The following HNRNPH3 variants were observed in gnomAD, a reference collection of about 807,000 sequenced individuals.
The protein encoded by HNRNPH3 is heterogeneous nuclear ribonucleoprotein 2H9.
A neutral mutation model predicts 47.0 loss-of-function variants in HNRNPH3; 7 were observed. The ratio of observed to expected loss-of-function variants is 0.15; its 90% CI spans 0.08 to 0.28. The LOEUF (loss-of-function observed/expected upper bound fraction) is 0.28. Ranked by LOEUF, HNRNPH3 falls within the 10% of genes least tolerant of loss-of-function variation. The pLI is 1.00. For missense variants in HNRNPH3, 279 were observed against 449.6 expected, an observed-to-expected ratio of 0.62 and a Z score of 3.43; for synonymous variants, 120 against 143.2, an observed-to-expected ratio of 0.84 and a Z score of 1.16.
At chr10:68,334,955 G>A (rs2045462362) in intron 1 of HNRNPH3, among the ~76,000 whole-genome samples, 1 of 152,130 alleles carries the variant, frequency 6.6e-6, no homozygotes. Context: ...TTTTAGTTTT[G>A]AAGGGGTTGG....
chr10:68,333,033 GA>G (rs1308232682), intron 1 of HNRNPH3: 1 of 152,118 alleles, frequency 6.6e-6, no homozygotes, highest in Non-Finnish European at 1.5e-5. Flanking sequence ...TAGATAAACG[GA>G]AAGTCTCCTG....
chr10:68,337,138 T>C lies in HNRNPH3; in HGVS notation c.-23-61T>C, dbSNP rs756425166. Reference sequence around the variant, plus strand: ...GGCACCTCTGAGAGGTGTTTCTTCATTACCTCTTGACAAGAGTATATTTTG... The same window carrying C: ...GGCACCTCTGAGAGGTGTTTCTTCACTACCTCTTGACAAGAGTATATTTTG... On this transcript the variant is annotated intron_variant, in intron 1 of 9. Coordinates refer to ENST00000265866, the MANE Select transcript of HNRNPH3 (RefSeq NM_012207.3). This position sits in a 1 kb window ranked among gnomAD's most constrained non-coding sequence, Gnocchi z 4.5. 12 of 777,458 alleles carry C rather than the reference T, an allele frequency of 1.5e-5. No individual in the cohort carries two copies. The highest frequency in any genetic ancestry group is 2.6e-5 in the Non-Finnish European group (12 of 463,234). 48.2% of individuals were successfully genotyped at this position (777,458 alleles called of 1,614,324 possible). A position where few individuals can be genotyped will look rare whatever the true frequency, so the allele number is the denominator to read the frequency against.
At chr10:68,341,733 A>T (rs200462607) in intron 8 of HNRNPH3, 26 bp from the exon 9 acceptor site, 52 of 1,584,738 alleles carry the variant, frequency 3.3e-5, no homozygotes, top group Non-Finnish European at 4.2e-5. Flanking sequence ...ATGAGTCTCA[A>T]TTTTTTTTCT....
intron 1 of HNRNPH3, chr10:68,333,189 T>G (rs963281357): frequency 2.8e-5 from 4 of 142,210 alleles, no homozygotes; most frequent in Admixed American, 7.6e-5. Context: ...AGCAGAAAAG[T>G]GGGTGATTTA....
At chr10:68,339,769 C>T (rs958850485) in intron 6 of HNRNPH3, among the ~76,000 whole-genome samples, 1 of 151,188 alleles carries the variant, frequency 6.6e-6, no homozygotes, top group African/African-American at 2.4e-5. Flanking sequence ...AGCTCTGCCT[C>T]CCAGGTTCAC....
At chr10:68,338,793 T>C (rs1448530966) in intron 4 of HNRNPH3, 106 bp downstream of exon 4, 1 of 881,684 alleles carries the variant, frequency 1.1e-6, no homozygotes, top group African/African-American at 1.7e-5. Flanking sequence ...TATTAGGTTT[T>C]AAAACCTGTT....
chr10:68,339,595 T>C (rs1480635914), intron 6 of HNRNPH3, 40 bp downstream of exon 6: 15 of 1,224,030 alleles, frequency 1.2e-5, no homozygotes, highest in East Asian at 1.2e-4. Context: ...TTTATACTTA[T>C]CCTGGTGTCT....
At position 68,339,181 on chromosome 10, in the gene HNRNPH3, G is replaced by A. The variant is rs781055388; in HGVS notation, c.478G>A (p.Gly160Ser). 8.1e-6 allele frequency: 13 copies of A among 1,609,902 alleles called. No individual in the cohort carries two copies. Among genetic ancestry groups the A allele is most frequent in the East Asian group, 4.5e-5 (2 of 44,812 alleles). Reference sequence around the variant, plus strand: ...TGACTATGGTGGCTATAATAATTACGGCTATGGGAATGATGGCTTTGATGA... The same window carrying A: ...TGACTATGGTGGCTATAATAATTACAGCTATGGGAATGATGGCTTTGATGA... Reference protein sequence around the residue: ...FDDYGGYNNYGYGNDGFDDRM... With the variant: ...FDDYGGYNNYSYGNDGFDDRM... Residue 160 changes from glycine (G) to serine (S), a missense_variant, in exon 5 of 10, where the codon GGC (glycine) becomes AGC (serine). By Grantham distance (56) the Gly-to-Ser change is moderately conservative. Coordinates refer to ENST00000265866, the MANE Select transcript of HNRNPH3 (RefSeq NM_012207.3).
chr10:68,339,604 C>A, intron 6 of HNRNPH3, 49 bp downstream of exon 6: 1 of 1,161,024 alleles, frequency 8.6e-7, no homozygotes, highest in Non-Finnish European at 1.3e-6. Flanking sequence ...ATCCTGGTGT[C>A]TAAATCTTTA....
intron 1 of HNRNPH3, among the ~76,000 whole-genome samples, chr10:68,335,975 T>C (rs886067844): frequency 6.6e-6 from 1 of 152,160 alleles, no homozygotes; most frequent in Non-Finnish European, 1.5e-5. Context: ...ACACTAGAGG[T>C]ACTTAACTAC....
In HNRNPH3 at chr10:68,341,251, A is replaced by G; in HGVS notation, c.717A>G (p.Val239=). The G allele has an allele frequency of 6.2e-7, 1 of 1,606,762 alleles. No homozygotes were observed. The highest frequency in any genetic ancestry group is 8.5e-7 in the Non-Finnish European group (1 of 1,177,888). Residue 239 remains valine, a synonymous_variant, in exon 7 of 10, where the codon GTA becomes GTG. Coordinates refer to ENST00000265866, the MANE Select transcript of HNRNPH3 (RefSeq NM_012207.3). ...ADGRATGEAD[V]EFVTHEDAVA... is the part of the protein sequence containing the mutation. ...GCAGAGCCACAGGAGAAGCAGATGT[A>G]GAGTTTGTGACACATGAAGATGCAG...
At position 68,341,566 on chromosome 10, in the gene HNRNPH3, C is replaced by CT. The variant is rs749191002; in HGVS notation, c.776-16dup. 1.3e-6 allele frequency: 2 copies of CT among 1,525,140 alleles called. No individual in the cohort carries two copies. The highest frequency in any genetic ancestry group is 1.4e-5 in the African/African-American group (1 of 71,730). 94.5% of individuals were successfully genotyped at this position (1,525,140 alleles called of 1,614,324 possible). A position where few individuals can be genotyped will look rare whatever the true frequency, so the allele number is the denominator to read the frequency against. On this transcript the variant is annotated intron_variant, in intron 7 of 9. Transcript: ENST00000265866. ...CATCATTCCTTTCTCCCCTGTTACT[C>CT]TTTCTTTTTTTCTTAAAGAACATCG...
chr10:68,341,507 CT>C, intron 7 of HNRNPH3, 77 bp from the exon 8 acceptor site: 1 of 1,115,572 alleles, frequency 9.0e-7, no homozygotes, highest in Non-Finnish European at 1.3e-6. Context: ...CTTAATTGAT[CT>C]TTTTTACAAA....
chr10:68,337,730 AT>A lies in HNRNPH3; in HGVS notation c.113-127del. 1 of 793,960 alleles carries A rather than the reference AT, an allele frequency of 1.3e-6. No homozygotes were observed. The highest frequency in any genetic ancestry group is 2.0e-6 in the Non-Finnish European group (1 of 509,294). 49.2% of individuals were successfully genotyped at this position (793,960 alleles called of 1,614,324 possible). A position where few individuals can be genotyped will look rare whatever the true frequency, so the allele number is the denominator to read the frequency against. ...AATCTTTCATTTGTATTATGGGGTG[AT>A]GGGAAACTAAGCTTTTTTGTTTTGT... is the stretch of plus-strand genomic sequence containing the variant. On this transcript the variant is annotated intron_variant, in intron 2 of 9. Transcript: ENST00000265866. This position sits in a 1 kb window ranked among gnomAD's most constrained non-coding sequence, Gnocchi z 4.5.
At chr10:68,339,617 C>T (rs2045741978) in intron 6 of HNRNPH3, 62 bp downstream of exon 6, 2 of 1,013,244 alleles carry the variant, frequency 2.0e-6, no homozygotes, top group South Asian at 1.4e-5. Context: ...AATCTTTAAG[C>T]ATTCTTAATG....
At chr10:68,334,107 GTTC>G (rs1490912734) in intron 1 of HNRNPH3, among the ~76,000 whole-genome samples, 4 of 152,236 alleles carry the variant, frequency 2.6e-5, no homozygotes, top group African/African-American at 7.2e-5. Flanking sequence ...TAAAAACCTG[GTTC>G]TAGTGAACTA....
intron 4 of HNRNPH3, 76 bp from the exon 5 acceptor site, chr10:68,339,056 TACCACAAA>T: frequency 9.0e-7 from 1 of 1,105,912 alleles, no homozygotes. Context: ...CACAGACTGT[TACCACAAA>T]ATGTTTTTGT....
intron 5 of HNRNPH3, 100 bp from the exon 6 acceptor site, chr10:68,339,340 T>C: frequency 6.5e-7 from 1 of 1,530,688 alleles, no homozygotes; most frequent in Non-Finnish European, 9.0e-7. Context: ...CAAATTTCAG[T>C]GCATTCCTAT....
At chr10:68,333,455 GTT>G (rs5785858) in intron 1 of HNRNPH3, among the ~76,000 whole-genome samples, 1 of 151,964 alleles carries the variant, frequency 6.6e-6, no homozygotes, top group Admixed American at 6.6e-5. Context: ...ATTTTGTGCA[GTT>G]TTTTTTTCCG....
Sources: gnomAD v4.1 joint callset for allele counts (sites outside exome capture counted in the v4.1 genomes callset) on GRCh38, gnomAD v4.1.1 for gene constraint, Gnocchi (gnomAD v3.1) non-coding constraint, MANE v1.5 for transcripts, NCBI Gene and HGNC (gene_info 2026-07-23, HGNC 2026-07-21) for gene names.